Variants in CSMD1 observed in about 807,000 individuals in gnomAD.
CSMD1 encodes the protein CUB and sushi domain-containing protein 1.
Under a neutral mutation model 417.5 loss-of-function variants are expected in CSMD1, and 213 were observed. The observed-to-expected ratio is 0.51, with a 90% CI of 0.46 to 0.57. The LOEUF (loss-of-function observed/expected upper bound fraction) is 0.57, where lower values mean the gene tolerates loss of function less well. CSMD1 is among the 20% of genes least tolerant of loss of function. CSMD1 has a pLI of 0.00. For missense variants in CSMD1, 6,923 were observed against 4,529.7 expected (o/e 1.53, Z -15.17); for synonymous variants, 2,862 against 1,736.8 (o/e 1.65, Z -16.11).
intron 3 of CSMD1, among the ~76,000 whole-genome samples, chr8:4,109,607 T>C (rs1001564602): frequency 1.3e-5 from 2 of 152,184 alleles, no homozygotes; most frequent in African/African-American, 4.8e-5. Context: ...CCTTTGGATA[T>C]TGTTGGAATC....
rs145741451 is a variant in CSMD1, at chr8:4,453,747, G to C, written c.303-33682C>G. Among the ~76,000 whole-genome samples, 289 of 151,094 alleles carry C rather than the reference G, an allele frequency of 1.9e-3. 2 individuals carry two copies. Among genetic ancestry groups the C allele is most frequent in the African/African-American group, 6.7e-3 (277 of 41,190 alleles). On this transcript the variant is annotated intron_variant, in intron 2 of 69. Coordinates refer to ENST00000635120, the MANE Select transcript of CSMD1 (RefSeq NM_033225.6). ...CTTAACCATCCCCAAACGTAATTCC[G>C]GGTCCCCATTTGAGCGAACGCCTCA...
intron 1 of CSMD1, among the ~76,000 whole-genome samples, chr8:4,869,258 T>C (rs1173511974): frequency 6.6e-6 from 1 of 152,024 alleles, no homozygotes; most frequent in Admixed American, 6.5e-5. Flanking sequence ...ACGTATATAT[T>C]ATCATTTAAC....
intron 2 of CSMD1, among the ~76,000 whole-genome samples, chr8:4,553,175 G>A (rs1056582199): frequency 3.9e-5 from 6 of 152,094 alleles, no homozygotes; most frequent in South Asian, 4.1e-4. Context: ...TTCAGTTGTC[G>A]CCTCCCTTTC....
intron 5 of CSMD1, among the ~76,000 whole-genome samples, chr8:3,801,683 G>A (rs567469932): frequency 2.0e-5 from 3 of 152,188 alleles, no homozygotes; most frequent in African/African-American, 7.2e-5. Flanking sequence ...AATATTCATG[G>A]CAGCATCATT....
chr8:4,654,625 T>C (rs986762541), intron 1 of CSMD1, among the ~76,000 whole-genome samples: 2 of 152,104 alleles, frequency 1.3e-5, no homozygotes, highest in African/African-American at 4.8e-5. Context: ...AGATATCAAC[T>C]AAAATGGTTG....
intron 41 of CSMD1, among the ~76,000 whole-genome samples, chr8:3,121,363 A>C (rs1163485208): frequency 6.6e-6 from 1 of 152,188 alleles, no homozygotes; most frequent in Non-Finnish European, 1.5e-5. Context: ...CGCAGCAGAA[A>C]AATGATTGAG....
intron 30 of CSMD1, among the ~76,000 whole-genome samples, chr8:3,210,396 A>G (rs929569142): frequency 1.3e-5 from 2 of 151,444 alleles, no homozygotes; most frequent in Non-Finnish European, 2.9e-5. Flanking sequence ...GTCTCTAATT[A>G]AAAATTTGGT....
intron 1 of CSMD1, among the ~76,000 whole-genome samples, chr8:4,639,503 G>C (rs979050666): frequency 6.6e-6 from 1 of 152,072 alleles, no homozygotes; most frequent in African/African-American, 2.4e-5. Context: ...TAAGTAGCTC[G>C]CAAAAACTGT....
At position 4,164,613 on chromosome 8, in the gene CSMD1, T is replaced by G. The variant is rs192292689; in HGVS notation, c.416-132514A>C. 1.7e-3 allele frequency among the ~76,000 whole-genome samples: 258 copies of G among 152,314 alleles called. 1 individual carries two copies. Among genetic ancestry groups the G allele is most frequent in the African/African-American group, 5.9e-3 (245 of 41,566 alleles). On this transcript the variant is annotated intron_variant, in intron 3 of 69. Coordinates refer to ENST00000635120, the MANE Select transcript of CSMD1 (RefSeq NM_033225.6). ...ATAGTAGTAATTTATTTAGGTACCTTATTGGTTTACATACTTCTGTGATTG... is the reference window on the plus strand; with the variant it reads ...ATAGTAGTAATTTATTTAGGTACCTGATTGGTTTACATACTTCTGTGATTG...
chr8:4,288,123 T>G (rs1797162605), intron 3 of CSMD1, among the ~76,000 whole-genome samples: 1 of 152,166 alleles, frequency 6.6e-6, no homozygotes, highest in South Asian at 2.1e-4. Context: ...ATGCTTTCTG[T>G]TCCTGCAGCA....
chr8:3,091,010 G>A (rs912408562), intron 48 of CSMD1, among the ~76,000 whole-genome samples: 1 of 151,762 alleles, frequency 6.6e-6, no homozygotes, highest in African/African-American at 2.4e-5. Flanking sequence ...TTTTGATGAG[G>A]AATATATATT....
chr8:4,342,303 G>A (rs1176858447), intron 3 of CSMD1, among the ~76,000 whole-genome samples: 4 of 151,822 alleles, frequency 2.6e-5, no homozygotes, highest in African/African-American at 9.7e-5. Flanking sequence ...AAGATTCAAA[G>A]GTGTGCAATG....
chr8:2,967,664 A>G lies in CSMD1; in HGVS notation c.8924-918T>C, dbSNP rs535120320. Among the ~76,000 whole-genome samples, 6 of 152,338 alleles carry G rather than the reference A, an allele frequency of 3.9e-5. No individual in the cohort carries two copies. In the South Asian group the frequency reaches 1.0e-3, roughly 26 times the overall value. ...ACCCTTGGCTGGTTAACAAGAATAT[A>G]TATCATGAGACTGCCTCTGAGCTGA... On this transcript the variant is annotated intron_variant, in intron 57 of 69. Transcript: ENST00000635120.
intron 5 of CSMD1, among the ~76,000 whole-genome samples, chr8:3,782,782 G>T (rs1200028240): frequency 1.3e-5 from 2 of 152,070 alleles, no homozygotes; most frequent in Non-Finnish European, 2.9e-5. Context: ...TAAACTTTAG[G>T]AATTAAAGAT....
intron 1 of CSMD1, among the ~76,000 whole-genome samples, chr8:4,663,185 G>C (rs1396880277): frequency 6.6e-6 from 1 of 152,128 alleles, no homozygotes; most frequent in Non-Finnish European, 1.5e-5. Context: ...GGAAGTGCTG[G>C]TTCTCTTGGC....
At chr8:3,670,167 T>C (rs6988459) in intron 7 of CSMD1, among the ~76,000 whole-genome samples, 25,260 of 151,820 alleles carry the variant, frequency 0.17, 2,226 homozygotes, top group South Asian at 0.22. Flanking sequence ...AGTCAATGGA[T>C]CAGGGAAGGC....
intron 5 of CSMD1, among the ~76,000 whole-genome samples, chr8:3,957,096 G>A (rs1391192301): frequency 6.6e-6 from 1 of 150,876 alleles, no homozygotes; most frequent in Non-Finnish European, 1.5e-5. Flanking sequence ...TATGTCTTTG[G>A]AAACTATTTC....
chr8:3,037,307 G>A (rs189352624), intron 50 of CSMD1, among the ~76,000 whole-genome samples: 5 of 113,452 alleles, frequency 4.4e-5, no homozygotes, highest in African/African-American at 8.8e-5. Context: ...CTGGGTTCAC[G>A]CCATTCTCCT....
chr8:4,856,442 A>C (rs1043758046), intron 1 of CSMD1, among the ~76,000 whole-genome samples: 5 of 141,646 alleles, frequency 3.5e-5, no homozygotes, highest in Non-Finnish European at 1.5e-5. Flanking sequence ...CAATGGACTA[A>C]ATGCTCCAAT....
Sources: gnomAD v4.1 joint callset for allele counts (sites outside exome capture counted in the v4.1 genomes callset) on GRCh38, gnomAD v4.1.1 for gene constraint, MANE v1.5 for transcripts, NCBI Gene and HGNC (gene_info 2026-07-23, HGNC 2026-07-21) for gene names.